Variants in SENP2 observed in about 807,000 individuals in gnomAD.
SENP2 encodes the protein SUMO specific peptidase 2.
In SENP2, 16 loss-of-function variants were observed where a neutral mutation model predicts 86.3. The ratio of observed to expected loss-of-function variants is 0.19; its 90% CI spans 0.13 to 0.28. The LOEUF (loss-of-function observed/expected upper bound fraction) is 0.28, where lower values mean the gene tolerates loss of function less well. SENP2 is among the 10% of genes least tolerant of loss of function. The probability of loss-of-function intolerance (pLI) is 1.00; values close to 1 mark genes in which losing one functional copy is unlikely to be tolerated. For missense variants in SENP2, 552 were observed against 703.0 expected, an observed-to-expected ratio of 0.79 and a Z score of 2.43; for synonymous variants, 222 against 238.7, an observed-to-expected ratio of 0.93 and a Z score of 0.64.
At chr3:185,622,589 A>G (rs1351671729) in intron 14 of SENP2, among the ~76,000 whole-genome samples, 2 of 152,148 alleles carry the variant, frequency 1.3e-5, no homozygotes, top group Non-Finnish European at 2.9e-5. Context: ...AATAAAAAGC[A>G]TAGAGAAGAA....
intron 4 of SENP2, 83 bp downstream of exon 4, chr3:185,599,107 A>G: frequency 2.0e-6 from 2 of 976,334 alleles, no homozygotes; most frequent in Non-Finnish European, 3.2e-6. Context: ...TGAAAGGAAA[A>G]CACTGATTTG....
intron 2 of SENP2, among the ~76,000 whole-genome samples, chr3:185,596,451 T>C (rs1001279733): frequency 1.3e-5 from 2 of 151,898 alleles, no homozygotes; most frequent in Admixed American, 6.6e-5. Flanking sequence ...GAGACCTGCC[T>C]CTACCAAAAA....
chr3:185,615,739 A>G (rs941861543), intron 11 of SENP2, among the ~76,000 whole-genome samples: 1 of 152,228 alleles, frequency 6.6e-6, no homozygotes, highest in African/African-American at 2.4e-5. Context: ...GAAGCCATTT[A>G]TTCCATAAGG....
At chr3:185,608,771 G>T (rs567162090) in intron 6 of SENP2, among the ~76,000 whole-genome samples, 1 of 152,190 alleles carries the variant, frequency 6.6e-6, no homozygotes, top group Non-Finnish European at 1.5e-5. Flanking sequence ...AGCAAGGCAG[G>T]TCAGCAGGGT....
At position 185,586,658 on chromosome 3, in the gene SENP2, G is replaced by A. The variant is rs556828953; in HGVS notation, c.101+144G>A. 8 of 724,794 alleles carry A rather than the reference G, an allele frequency of 1.1e-5. No homozygotes were observed. Among genetic ancestry groups the A allele is most frequent in the Non-Finnish European group, 1.8e-5 (8 of 436,392 alleles). The allele number at this position is 724,794 out of a possible 1,614,324, so 44.9% of individuals were successfully genotyped here. A position where few individuals can be genotyped will look rare whatever the true frequency, so the allele number is the denominator to read the frequency against. On this transcript the variant is annotated intron_variant, in intron 1 of 16. Coordinates refer to ENST00000296257, the MANE Select transcript of SENP2 (RefSeq NM_021627.3). This position sits in a 1 kb window ranked among gnomAD's most constrained non-coding sequence, Gnocchi z 4.3. Reference sequence around the variant, plus strand: ...GTGACGTAGTCGCTCCCGCCAGGCTGTAGGGAGGCAGCTCCTGATGAAGGA... The same window carrying A: ...GTGACGTAGTCGCTCCCGCCAGGCTATAGGGAGGCAGCTCCTGATGAAGGA...
intron 7 of SENP2, among the ~76,000 whole-genome samples, chr3:185,610,306 G>A (rs764967933): frequency 1.3e-5 from 2 of 151,966 alleles, no homozygotes; most frequent in South Asian, 2.1e-4. Context: ...GATTACAGGC[G>A]TCCACCGCCA....
At chr3:185,592,671 C>G (rs1279467199) in intron 2 of SENP2, among the ~76,000 whole-genome samples, 1 of 149,748 alleles carries the variant, frequency 6.7e-6, no homozygotes, top group East Asian at 2.0e-4. Flanking sequence ...GGCTGGAGTG[C>G]AATGGCACAT....
intron 2 of SENP2, among the ~76,000 whole-genome samples, chr3:185,591,452 C>T (rs1445292324): frequency 2.6e-5 from 4 of 151,116 alleles, no homozygotes; most frequent in Non-Finnish European, 5.9e-5. Context: ...CCCGGGTTCA[C>T]ACCATTCTCC....
At chr3:185,629,698 CTT>C (rs1712326601) in intron 16 of SENP2, 82 bp from the exon 17 acceptor site, 1 of 1,331,310 alleles carries the variant, frequency 7.5e-7, no homozygotes, top group South Asian at 1.2e-5. Flanking sequence ...GGACATCCTG[CTT>C]TATTACATGA....
chr3:185,595,581 T>C (rs1722149423), intron 2 of SENP2, among the ~76,000 whole-genome samples: 2 of 152,248 alleles, frequency 1.3e-5, no homozygotes, highest in African/African-American at 4.8e-5. Flanking sequence ...CATTGCAGTC[T>C]ATCTTTCTCT....
rs1229815685 is a variant in SENP2, at chr3:185,586,768, G to A, written c.101+254G>A. On this transcript the variant is annotated intron_variant, in intron 1 of 16. Transcript: ENST00000296257. The surrounding 1 kb of genome is among the most constrained non-coding windows in gnomAD (Gnocchi z 4.3). ...GCCAAGCTGGTTGCTGATAACAAAT[G>A]GGGCTTTGCCGCTCTTAGGCTGAAC... 6.6e-6 allele frequency among the ~76,000 whole-genome samples: 1 copy of A among 152,204 alleles called. No homozygotes were observed. Among genetic ancestry groups the A allele is most frequent in the African/African-American group, 2.4e-5 (1 of 41,438 alleles).
Position 185,632,069 on chromosome 3 carries a change from CAT to C in SENP2, c.*2226_*2227del, listed in dbSNP as rs1422574091. On this transcript the variant is annotated 3_prime_UTR_variant, in exon 17 of 17. Coordinates refer to ENST00000296257, the MANE Select transcript of SENP2 (RefSeq NM_021627.3). ...CAGGCCATACTTCTCTAGGCACTCA[CAT>C]GTCTCCCTTGGCATAAGGAAACATG... 4 of 151,834 alleles carry C rather than the reference CAT, an allele frequency of 2.6e-5. No individual in the cohort carries two copies. The allele number at this position is 151,834 out of a possible 1,614,324, so 9.4% of individuals were successfully genotyped here. A position where few individuals can be genotyped will look rare whatever the true frequency, so the allele number is the denominator to read the frequency against.
intron 9 of SENP2, 22 bp downstream of exon 9, chr3:185,612,680 T>C (rs778837540): frequency 1.3e-6 from 2 of 1,537,488 alleles, no homozygotes; most frequent in Non-Finnish European, 1.8e-6. Flanking sequence ...CAGTTCATTC[T>C]ACACTTTCTT....
chr3:185,626,474 T>C, intron 16 of SENP2, 81 bp downstream of exon 16: 1 of 937,784 alleles, frequency 1.1e-6, no homozygotes, highest in Non-Finnish European at 1.7e-6. Flanking sequence ...CACATTCAGC[T>C]CTCAATAGTA....
chr3:185,620,499 A>G (rs536629486), intron 13 of SENP2, among the ~76,000 whole-genome samples: 3 of 151,914 alleles, frequency 2.0e-5, no homozygotes, highest in Non-Finnish European at 4.4e-5. Flanking sequence ...CTGGAGTGCA[A>G]TGGCACGATC....
At chr3:185,628,309 G>T (rs979958746) in intron 16 of SENP2, among the ~76,000 whole-genome samples, 2 of 151,930 alleles carry the variant, frequency 1.3e-5, no homozygotes, top group African/African-American at 4.8e-5. Flanking sequence ...GCTAATTTTT[G>T]TATTTTTAGT....
At chr3:185,606,536 T>C in intron 6 of SENP2, 38 bp downstream of exon 6, 1 of 1,512,794 alleles carries the variant, frequency 6.6e-7, no homozygotes, top group Non-Finnish European at 8.9e-7. Context: ...AAAAAAATTT[T>C]ACAGCTCTTC....
chr3:185,600,686 C>G (rs947732479), intron 4 of SENP2, 79 bp from the exon 5 acceptor site: 14 of 908,172 alleles, frequency 1.5e-5, no homozygotes, highest in Middle Eastern at 2.4e-4. Flanking sequence ...AGGTTGCTCA[C>G]AGATTTTTTT....
At chr3:185,587,313 AGT>A (rs1477210433) in intron 1 of SENP2, among the ~76,000 whole-genome samples, 1 of 151,360 alleles carries the variant, frequency 6.6e-6, no homozygotes, top group Non-Finnish European at 1.5e-5. Flanking sequence ...TTGTGTTTTT[AGT>A]AGAGATGGGG....
Sources: gnomAD v4.1 joint callset for allele counts (sites outside exome capture counted in the v4.1 genomes callset) on GRCh38, gnomAD v4.1.1 for gene constraint, Gnocchi (gnomAD v3.1) non-coding constraint, MANE v1.5 for transcripts, NCBI Gene and HGNC (gene_info 2026-07-23, HGNC 2026-07-21) for gene names.